Variants in ZMYM2 observed in about 807,000 individuals in gnomAD.
ZMYM2 encodes zinc finger MYM-type containing 2, also known as zinc finger MYM-type protein 2.
ZMYM2 carries 56 observed loss-of-function variants against 162.8 expected under a neutral mutation model. The ratio of observed to expected loss-of-function variants is 0.34; its 90% CI spans 0.28 to 0.43. The LOEUF (loss-of-function observed/expected upper bound fraction) is 0.43. ZMYM2 is among the 20% of genes least tolerant of loss of function. The probability of loss-of-function intolerance (pLI) is 1.00; values close to 1 mark genes in which losing one functional copy is unlikely to be tolerated. For synonymous variants in ZMYM2, 510 were observed against 541.6 expected, an observed-to-expected ratio of 0.94 and a Z score of 0.81; for missense variants, 1,275 against 1,621.8, an observed-to-expected ratio of 0.79 and a Z score of 3.67.
the ZMYM2 span, among the ~76,000 whole-genome samples, chr13:19,924,282 C>T: frequency 6.6e-6 from 1 of 151,958 alleles, no homozygotes; most frequent in Non-Finnish European, 1.5e-5. Context: ...TTGTCTTTTC[C>T]GGCCAGGCAC....
the ZMYM2 span, among the ~76,000 whole-genome samples, chr13:19,910,455 T>C: frequency 6.6e-6 from 1 of 152,074 alleles, no homozygotes; most frequent in African/African-American, 2.4e-5. Flanking sequence ...GATTGGAATG[T>C]TAGAGTGGAT....
At position 20,061,174 on chromosome 13, in the gene ZMYM2, C is replaced by G. The variant is rs760847190; in HGVS notation, c.2861C>G (p.Thr954Arg). 1.9e-6 allele frequency: 3 copies of G among 1,613,624 alleles called. No homozygotes were observed. Among genetic ancestry groups the G allele is most frequent in the Non-Finnish European group, 8.5e-7 (1 of 1,179,810 alleles). ...DALDTELLTM[T>R]DMMSEDEGKT... ...CTTGATACAGAGTTGCTTACAATGA[C>G]GGATATGATGAGTGAAGACGAGGGG... The change falls in exon 17 of 25, where the codon ACG (threonine) becomes AGG (arginine). Residue 954 changes from threonine (T) to arginine (R), a missense_variant. Thr to Arg is a moderately conservative substitution (Grantham distance 71, BLOSUM62 -1). Transcript: ENST00000610343.
In ZMYM2 at chr13:20,074,196, T is replaced by TTGTGTGTGTGTG. The variant is rs59855358; in HGVS notation, c.3453+6837_3453+6848dup. Among the ~76,000 whole-genome samples the TTGTGTGTGTGTG allele has an allele frequency of 3.0e-4, 42 of 141,602 alleles. No homozygotes were observed. The Middle Eastern group carries it at 0.011, about 37-fold the overall frequency. The allele number at this position is 141,602 out of a possible 152,430, so 92.9% of individuals were successfully genotyped here. ...TGTGTTGTGTAGCATATGTCAGAAT[T>TTGTGTGTGTGTG]TGTGTGTGTGTGTGTGTGTGTGTGT... is the stretch of plus-strand genomic sequence containing the variant. On this transcript the variant is annotated intron_variant, in intron 21 of 24. Transcript: ENST00000610343.
chr13:20,070,296 C>T (rs1356613259), intron 21 of ZMYM2: 1 of 213,870 alleles, frequency 4.7e-6, no homozygotes, highest in Non-Finnish European at 1.0e-5. Flanking sequence ...ATCTGACTTT[C>T]TGGCTGTGGT....
At chr13:19,983,281 A>C (rs1957512192) in intron 2 of ZMYM2, among the ~76,000 whole-genome samples, 1 of 152,006 alleles carries the variant, frequency 6.6e-6, no homozygotes, top group Non-Finnish European at 1.5e-5. Flanking sequence ...AGTAGCTGGA[A>C]TTACAGGTGT....
intron 12 of ZMYM2, among the ~76,000 whole-genome samples, chr13:20,040,265 G>A (rs895771337): frequency 6.6e-6 from 1 of 152,100 alleles, no homozygotes; most frequent in Admixed American, 6.6e-5. Context: ...CAATTTCGGA[G>A]CTCATTGTTG....
At chr13:19,878,177 C>T in the ZMYM2 span, among the ~76,000 whole-genome samples, 5 of 151,926 alleles carry the variant, frequency 3.3e-5, no homozygotes, top group African/African-American at 1.2e-4. Flanking sequence ...GTCAGCTGCC[C>T]GAGTAGCTGG....
the ZMYM2 span, among the ~76,000 whole-genome samples, chr13:19,871,643 C>T: frequency 2.0e-5 from 3 of 152,274 alleles, no homozygotes; most frequent in East Asian, 1.9e-4. Context: ...AATTATGCTA[C>T]ACTTTCATAA....
At position 20,031,330 on chromosome 13, in the gene ZMYM2, G is replaced by A. The variant is rs1457826194; in HGVS notation, c.1863G>A (p.Met621Ile). 3.7e-6 allele frequency: 6 copies of A among 1,605,778 alleles called. No individual in the cohort carries two copies. Among genetic ancestry groups the A allele is most frequent in the African/African-American group, 2.7e-5 (2 of 74,350 alleles). ...SCVAKFQALS[M>I]QSSPNGQFVA... ...GTTCTTTGTTTTAGGCTCTAAGTAT[G>A]CAGTCATCTCCAAATGGCCAGTTTG... Residue 621 changes from methionine to isoleucine, a missense_variant, in exon 10 of 25, where the codon ATG (methionine) becomes ATA (isoleucine). Around this residue, in one of 10 missense-constraint regions of ZMYM2, gnomAD observed 276 missense variants for 311.8 expected, o/e 0.89. Coordinates refer to ENST00000610343, the MANE Select transcript of ZMYM2 (RefSeq NM_197968.4).
At chr13:20,042,222 G>A (rs1199362306) in intron 12 of ZMYM2, among the ~76,000 whole-genome samples, 2 of 152,144 alleles carry the variant, frequency 1.3e-5, no homozygotes, top group African/African-American at 2.4e-5. Context: ...GTCTCTTTAC[G>A]TAATGCCATA....
At chr13:19,983,390 C>A (rs1007053146) in intron 2 of ZMYM2, among the ~76,000 whole-genome samples, 2 of 152,130 alleles carry the variant, frequency 1.3e-5, no homozygotes, top group African/African-American at 4.8e-5. Context: ...AGATGATCCG[C>A]CTCCCTCGGC....
the ZMYM2 span, among the ~76,000 whole-genome samples, chr13:19,939,474 G>T: frequency 1.3e-5 from 2 of 151,994 alleles, no homozygotes; most frequent in Non-Finnish European, 2.9e-5. Context: ...TATTTTAATA[G>T]ATAATTCTAC....
chr13:20,064,337 G>T, intron 18 of ZMYM2, 114 bp from the exon 19 acceptor site: 1 of 777,572 alleles, frequency 1.3e-6, no homozygotes, highest in Non-Finnish European at 1.9e-6. Context: ...GCCCAGCCTA[G>T]ATTGTCCCCA....
rs1956920949 is a variant in ZMYM2, at chr13:20,069,467, C to T, written c.3453+2077C>T. 2.6e-5 allele frequency among the ~76,000 whole-genome samples: 4 copies of T among 151,074 alleles called. No homozygotes were observed. The South Asian group carries it at 8.4e-4, about 32-fold the overall frequency. ...TTACCAAGTTGAGGAACTTTTCTTC[C>T]ATTCTTAGTTGACTGAGAATTTTTT... On this transcript the variant is annotated intron_variant, in intron 21 of 24. Coordinates refer to ENST00000610343, the MANE Select transcript of ZMYM2 (RefSeq NM_197968.4).
intron 14 of ZMYM2, 79 bp from the exon 15 acceptor site, chr13:20,058,496 C>G: frequency 1.3e-6 from 2 of 1,505,476 alleles, no homozygotes; most frequent in Non-Finnish European, 1.8e-6. Context: ...CTTCTTAGGA[C>G]TGAAAATCCT....
At position 20,036,837 on chromosome 13, in the gene ZMYM2, A is replaced by G. The variant is rs763111208; in HGVS notation, c.2220A>G (p.Lys740=). 1 of 1,610,878 alleles carries G rather than the reference A, an allele frequency of 6.2e-7. No homozygotes were observed. Among genetic ancestry groups the G allele is most frequent in the South Asian group, 1.1e-5 (1 of 90,326 alleles). ...CSQLCKKGAT[K]ELDGVVRDFC... ...AGCTATGTAAGAAGGGAGCAACTAAAGAACTCGATGGTGTTGTGAGAGATT... is the reference window on the plus strand; with the variant it reads ...AGCTATGTAAGAAGGGAGCAACTAAGGAACTCGATGGTGTTGTGAGAGATT... Residue 740 remains lysine, a synonymous_variant, in exon 12 of 25, where the codon AAA becomes AAG. Coordinates refer to ENST00000610343, the MANE Select transcript of ZMYM2 (RefSeq NM_197968.4).
intron 23 of ZMYM2, 147 bp downstream of exon 23, chr13:20,083,179 C>G: frequency 1.3e-6 from 1 of 774,160 alleles, no homozygotes; most frequent in Non-Finnish European, 2.0e-6. Context: ...TCTCCTCCCT[C>G]AGCCTCCTGA....
At chr13:19,971,382 T>A (rs868827684) in intron 2 of ZMYM2, among the ~76,000 whole-genome samples, 1 of 150,322 alleles carries the variant, frequency 6.7e-6, no homozygotes, top group Middle Eastern at 3.4e-3. Flanking sequence ...GCTAATCTCC[T>A]ATCTCAGCCT....
rs897405636 is a variant in ZMYM2 at position 20,076,900 on chromosome 13, G to A, written c.3454-5116G>A. ...CACCCAGGCTGGAGTGCAGTGGTGC[G>A]ATCTCGGCACACCGCATCTCCGCCT... On this transcript the variant is annotated intron_variant, in intron 21 of 24. Transcript: ENST00000610343. 3.3e-5 allele frequency among the ~76,000 whole-genome samples: 5 copies of A among 149,960 alleles called. 1 individual carries two copies. Among genetic ancestry groups the A allele is most frequent in the South Asian group, 2.1e-4 (1 of 4,810 alleles).
Sources: allele counts gnomAD v4.1 joint callset (sites outside exome capture counted in the v4.1 genomes callset), GRCh38; gene constraint gnomAD v4.1.1; regional missense constraint gnomAD v4.1.1; transcripts MANE v1.5; gene names NCBI Gene and HGNC (gene_info 2026-07-23, HGNC 2026-07-21).